The following PKHD1L1 variants were observed in gnomAD, a reference collection of about 807,000 sequenced individuals.
The protein encoded by PKHD1L1 is fibrocystin-L.
A neutral mutation model predicts 462.9 loss-of-function variants in PKHD1L1; 434 were observed. The observed-to-expected ratio is 0.94, with a 90% CI of 0.87 to 1.02. The LOEUF is 1.02. Among genes scored for constraint, PKHD1L1 ranks in the 50% least tolerant of loss-of-function variants. The probability of loss-of-function intolerance (pLI) is 0.00; values close to 1 mark genes in which losing one functional copy is unlikely to be tolerated. For missense variants in PKHD1L1, 5,202 were observed against 5,096.1 expected (o/e 1.02, Z -0.63); for synonymous variants, 1,781 against 1,750.0 (o/e 1.02, Z -0.44).
intron 42 of PKHD1L1, among the ~76,000 whole-genome samples, chr8:109,452,513 G>C (rs1816587173): frequency 6.6e-6 from 1 of 151,008 alleles, no homozygotes; most frequent in African/African-American, 2.4e-5. Flanking sequence ...TTTTAAACTT[G>C]ATCATTATTG....
chr8:109,386,561 T>TATAGA (rs1277348141), intron 6 of PKHD1L1, among the ~76,000 whole-genome samples: 1 of 152,328 alleles, frequency 6.6e-6, no homozygotes, highest in Admixed American at 6.5e-5. Flanking sequence ...TCTGGAATTC[T>TATAGA]ATAGAATAGA....
In PKHD1L1 at chr8:109,362,608, T is replaced by C; in HGVS notation, c.28T>C (p.Trp10Arg). ...GGGACACCTGTGGCTCCTGGGTATTTGGGGCCTCTGTGGGCTGCTCCTGTG... is the reference window on the plus strand; with the variant it reads ...GGGACACCTGTGGCTCCTGGGTATTCGGGGCCTCTGTGGGCTGCTCCTGTG... MGHLWLLGIWGLCGLLLCAA... is the reference protein window; with the variant it reads MGHLWLLGIRGLCGLLLCAA... Residue 10 changes from tryptophan to arginine, a missense_variant, in exon 1 of 78, where the codon TGG (tryptophan) becomes CGG (arginine). Physicochemically the swap from Trp to Arg is moderately radical, Grantham distance 101. This residue lies in a region of PKHD1L1 where 4,497 missense variants were observed against 4,336.8 expected (regional missense o/e 1.04). Coordinates refer to ENST00000378402, the MANE Select transcript of PKHD1L1 (RefSeq NM_177531.6). The C allele has an allele frequency of 1.2e-6, 2 of 1,609,988 alleles. No individual in the cohort carries two copies. Among genetic ancestry groups the C allele is most frequent in the Non-Finnish European group, 1.7e-6 (2 of 1,178,244 alleles).
At position 109,522,317 on chromosome 8, in the gene PKHD1L1, A is replaced by G; in HGVS notation, c.12163A>G (p.Ser4055Gly). 1 of 1,603,780 alleles carries G rather than the reference A, an allele frequency of 6.2e-7. No homozygotes were observed. ...MSITNPLPSP[S>G]DSGWIKVTAQ... is the part of the protein sequence containing the mutation. ...TATTACTAATCCCCTCCCCAGCCCAAGTGACTCTGGGTGGATTAAGGTAAG... is the reference window on the plus strand; with the variant it reads ...TATTACTAATCCCCTCCCCAGCCCAGGTGACTCTGGGTGGATTAAGGTAAG... The change falls in exon 74 of 78, where the codon AGT becomes GGT. Residue 4055 changes from serine (S) to glycine (G), a missense_variant. By Grantham distance (56) the Ser-to-Gly change is moderately conservative (BLOSUM62 0). Around this residue, in one of 3 missense-constraint regions of PKHD1L1, gnomAD observed 698 missense variants for 736.3 expected, o/e 0.95. Transcript: ENST00000378402.
chr8:109,371,446 C>T (rs1005288791), intron 2 of PKHD1L1, among the ~76,000 whole-genome samples: 5 of 150,192 alleles, frequency 3.3e-5, no homozygotes, highest in African/African-American at 4.9e-5. Context: ...TTCTCCCATT[C>T]TGTAGGTTGC....
intron 18 of PKHD1L1, among the ~76,000 whole-genome samples, chr8:109,409,543 G>A (rs1436079639): frequency 1.3e-5 from 2 of 151,924 alleles, no homozygotes; most frequent in Non-Finnish European, 2.9e-5. Context: ...TATCTAATTG[G>A]GTACTAATTA....
rs1820372762 is a variant in PKHD1L1, at chr8:109,518,249, T to G, written c.11772T>G (p.Val3924=). The change falls in exon 73 of 78, where the codon GTT becomes GTG. Residue 3924 remains valine, a synonymous_variant. Transcript: ENST00000378402. Reference sequence around the variant, plus strand: ...CCTACCAGATGCTTTATCTTTTGGTTAAAGGAACTATACCTGTTGAAATTC... The same window carrying G: ...CCTACCAGATGCTTTATCTTTTGGTGAAAGGAACTATACCTGTTGAAATTC... ...DGTYQMLYLL[V]KGTIPVEIHT... The G allele has an allele frequency of 6.2e-7, 1 of 1,611,076 alleles. No homozygotes were observed. The highest frequency in any genetic ancestry group is 1.3e-5 in the African/African-American group (1 of 74,954).
In PKHD1L1 at chr8:109,400,144, T is replaced by C. The variant is rs1330683770; in HGVS notation, c.1081T>C (p.Tyr361His). The change falls in exon 13 of 78, where the codon TAC becomes CAC. Residue 361 changes from tyrosine to histidine, a missense_variant. This residue lies in a region of PKHD1L1 where 4,497 missense variants were observed against 4,336.8 expected (regional missense o/e 1.04). Transcript: ENST00000378402. ...AATACGTTTGGAAGAGATACTGGAA[T>C]ACAATGAAAAAACGCCTGGGTACAT... The part of the protein sequence containing the change: ...RPIRLEEILE[Y>H]NEKTPGYMGA... 2 of 1,613,366 alleles carry C rather than the reference T, an allele frequency of 1.2e-6. No homozygotes were observed. The highest frequency in any genetic ancestry group is 1.1e-5 in the South Asian group (1 of 91,064).
chr8:109,443,247 T>C, intron 36 of PKHD1L1, 131 bp downstream of exon 36: 1 of 823,238 alleles, frequency 1.2e-6, no homozygotes, highest in Non-Finnish European at 1.9e-6. Context: ...TTGAATAGGT[T>C]TGGGCTTCTC....
chr8:109,476,301 T>C (rs1020184802), intron 51 of PKHD1L1, among the ~76,000 whole-genome samples: 6 of 152,000 alleles, frequency 3.9e-5, no homozygotes, highest in African/African-American at 9.7e-5. Context: ...GAGAGATCCT[T>C]TCGTTGCCTT....
Position 109,532,432 on chromosome 8 carries a change from T to G in PKHD1L1, c.*2342T>G, listed in dbSNP as rs148509648. Reference sequence around the variant, plus strand: ...CTTCACATGTCCCTTATTCATATGCTAAGCAAGTTTTATTTTTGCTTTTTT... The same window carrying G: ...CTTCACATGTCCCTTATTCATATGCGAAGCAAGTTTTATTTTTGCTTTTTT... On this transcript the variant is annotated 3_prime_UTR_variant, in exon 78 of 78. Transcript: ENST00000378402. Among the ~76,000 whole-genome samples, 34 of 152,364 alleles carry G rather than the reference T, an allele frequency of 2.2e-4. No individual in the cohort carries two copies. Among genetic ancestry groups the G allele is most frequent in the Middle Eastern group, 3.4e-3 (1 of 294 alleles).
chr8:109,452,275 A>T lies in PKHD1L1; in HGVS notation c.6502A>T (p.Lys2168Ter), dbSNP rs776240779. Reference sequence around the variant, plus strand: ...CCACATCAGAGGTGTCGGCATGGCCAAACTGGTAATAGTGCTGTTGGGTAT... The same window carrying T: ...CCACATCAGAGGTGTCGGCATGGCCTAACTGGTAATAGTGCTGTTGGGTAT... ...CVHIRGVGMA[K>*]LDNADFLYVD... is the part of the protein sequence containing the mutation. The change falls in exon 42 of 78, where the codon AAA (lysine) becomes TAA (stop). Residue 2168 changes from lysine to a stop codon, truncating the protein, a stop_gained. Coordinates refer to ENST00000378402, the MANE Select transcript of PKHD1L1 (RefSeq NM_177531.6). LOFTEE classifies it high-confidence loss of function. 1.2e-6 allele frequency: 2 copies of T among 1,601,624 alleles called. No homozygotes were observed. Among genetic ancestry groups the T allele is most frequent in the South Asian group, 2.2e-5 (2 of 88,970 alleles).
intron 2 of PKHD1L1, among the ~76,000 whole-genome samples, chr8:109,381,008 C>T (rs754858247): frequency 6.6e-6 from 1 of 152,160 alleles, no homozygotes; most frequent in African/African-American, 2.4e-5. Flanking sequence ...ATCTAACCAA[C>T]TGCGAATGGG....
chr8:109,444,831 A>G lies in PKHD1L1; in HGVS notation c.4962A>G (p.Arg1654=), dbSNP rs747292051. The G allele has an allele frequency of 1.2e-6, 2 of 1,614,020 alleles. No homozygotes were observed. The highest frequency in any genetic ancestry group is 1.7e-6 in the Non-Finnish European group (2 of 1,179,884). Residue 1654 remains arginine, a synonymous_variant, in exon 38 of 78, where the codon CGA becomes CGG. Transcript: ENST00000378402. ...CGTTGTCCAATGAATTTGATAGGCGATTTGTACTTTTGCCAAACATTGACC... is the reference window on the plus strand; with the variant it reads ...CGTTGTCCAATGAATTTGATAGGCGGTTTGTACTTTTGCCAAACATTGACC... ...INTLSNEFDR[R]FVLLPNIDLV...
Position 109,491,101 on chromosome 8 carries a change from G to A in PKHD1L1, c.10114G>A (p.Gly3372Ser). ...DNIIHFTVGEGIRIWGNANRV... is the reference protein window; with the variant it reads ...DNIIHFTVGESIRIWGNANRV... ...CATCATTCACTTTACAGTGGGGGAA[G>A]GTAATATAATAATATTTTGGTTCAA... The change falls in exon 61 of 78, where the codon GGC becomes AGC. Residue 3372 changes from glycine (G) to serine (S), a missense_variant and splice_region_variant. Transcript: ENST00000378402. The A allele has an allele frequency of 1.9e-6, 3 of 1,605,850 alleles. No individual in the cohort carries two copies. The highest frequency in any genetic ancestry group is 2.2e-5 in the East Asian group (1 of 44,640).
chr8:109,463,419 C>T (rs965658723), intron 48 of PKHD1L1, among the ~76,000 whole-genome samples: 12 of 112,582 alleles, frequency 1.1e-4, no homozygotes, highest in Non-Finnish European at 2.0e-4. Flanking sequence ...TGTGACATCT[C>T]AAATATGGAC....
chr8:109,446,999 G>T lies in PKHD1L1; in HGVS notation c.5777-1144G>T, dbSNP rs138197242. Among the ~76,000 whole-genome samples, 1,247 of 152,236 alleles carry T rather than the reference G, an allele frequency of 8.2e-3. 15 individuals are homozygous for T. The highest frequency in any genetic ancestry group is 0.029 in the African/African-American group (1,187 of 41,534). ...AGCACTTTGGGAGGCTGAGGCTGGCGGATTGCCTGAGCTCAGGAGTTCGAG... is the reference window on the plus strand; with the variant it reads ...AGCACTTTGGGAGGCTGAGGCTGGCTGATTGCCTGAGCTCAGGAGTTCGAG... On this transcript the variant is annotated intron_variant, in intron 38 of 77. Transcript: ENST00000378402.
At position 109,475,122 on chromosome 8, in the gene PKHD1L1, A is replaced by G. The variant is rs1817909673; in HGVS notation, c.8610A>G (p.Thr2870=). The G allele has an allele frequency of 1.2e-6, 2 of 1,607,592 alleles. No individual in the cohort carries two copies. Among genetic ancestry groups the G allele is most frequent in the Non-Finnish European group, 1.7e-6 (2 of 1,177,532 alleles). ...KDVVLSDSFG[T]SIIPFQKKRL... is the part of the protein sequence containing the mutation. ...TTGTTCTATGTTCTCCTATAGGCAC[A>G]AGCATTATTCCATTTCAGAAGAAAC... The change falls in exon 51 of 78, where the codon ACA becomes ACG. Residue 2870 remains threonine (T), a synonymous_variant. Transcript: ENST00000378402.
At chr8:109,384,395 T>G (rs1242188637) in intron 5 of PKHD1L1, among the ~76,000 whole-genome samples, 1 of 151,784 alleles carries the variant, frequency 6.6e-6, no homozygotes, top group Non-Finnish European at 1.5e-5. Flanking sequence ...ATAAATAAAT[T>G]AGCCAGGCTT....
rs763793593 is a variant in PKHD1L1, at chr8:109,448,179, A to G, written c.5813A>G (p.Asn1938Ser). 7 of 1,610,732 alleles carry G rather than the reference A, an allele frequency of 4.3e-6. No homozygotes were observed. Among genetic ancestry groups the G allele is most frequent in the South Asian group, 2.2e-5 (2 of 90,474 alleles). ...PGTEIEITGS[N>S]FGFEILEISV... ...ACTGAAATTGAGATCACTGGATCCA[A>G]CTTTGGCTTTGAGATCTTGGAAATC... The change falls in exon 39 of 78, where the codon AAC becomes AGC. Residue 1938 changes from asparagine to serine, a missense_variant. Asn to Ser is a conservative substitution (Grantham distance 46, BLOSUM62 1). Transcript: ENST00000378402.
Sources: allele counts gnomAD v4.1 joint callset (sites outside exome capture counted in the v4.1 genomes callset), GRCh38; gene constraint gnomAD v4.1.1; regional missense constraint gnomAD v4.1.1; transcripts MANE v1.5; gene names NCBI Gene and HGNC (gene_info 2026-07-23, HGNC 2026-07-21).